Variants in ZNF804B observed in about 807,000 individuals in gnomAD.
ZNF804B encodes zinc finger 804B.
ZNF804B carries 80 observed loss-of-function variants against 101.4 expected under a neutral mutation model. The observed-to-expected ratio is 0.79, with a 90% CI of 0.66 to 0.95. ZNF804B has a LOEUF of 0.95. Among genes scored for constraint, ZNF804B ranks in the 40% least tolerant of loss-of-function variants. The pLI is 0.00. For synonymous variants in ZNF804B, 622 were observed against 558.8 expected (o/e 1.11, Z -1.59); for missense variants, 1,673 against 1,561.9 (o/e 1.07, Z -1.20).
intron 1 of ZNF804B, among the ~76,000 whole-genome samples, chr7:88,998,487 A>T (rs1164275956): frequency 6.6e-6 from 1 of 152,064 alleles, no homozygotes; most frequent in African/African-American, 2.4e-5. Flanking sequence ...TCCTTAAGTG[A>T]TGTTCAAGAA....
chr7:89,226,332 C>A (rs1789088345), intron 2 of ZNF804B, among the ~76,000 whole-genome samples: 1 of 151,866 alleles, frequency 6.6e-6, no homozygotes. Context: ...TAGAAAAATA[C>A]TAGAAACAAT....
chr7:88,861,799 TTAAC>T (rs2115857888), intron 1 of ZNF804B, among the ~76,000 whole-genome samples: 1 of 152,282 alleles, frequency 6.6e-6, no homozygotes, highest in East Asian at 1.9e-4. Flanking sequence ...AGCACATACT[TTAAC>T]TATTTTGGAG....
intron 2 of ZNF804B, 84 bp downstream of exon 2, chr7:89,218,379 C>A: frequency 6.9e-7 from 1 of 1,451,438 alleles, no homozygotes; most frequent in Admixed American, 2.0e-5. Context: ...TTATTTACTG[C>A]CATATAAGAC....
intron 1 of ZNF804B, among the ~76,000 whole-genome samples, chr7:88,799,678 A>G (rs994147123): frequency 6.6e-6 from 1 of 152,136 alleles, no homozygotes; most frequent in Non-Finnish European, 1.5e-5. Context: ...ATTAGGCACT[A>G]TAAGAAATGT....
intron 2 of ZNF804B, among the ~76,000 whole-genome samples, chr7:89,295,681 C>T (rs139527246): frequency 5.0e-4 from 76 of 152,060 alleles, no homozygotes; most frequent in Non-Finnish European, 8.7e-4. Flanking sequence ...AAATTTGAAT[C>T]GATCTCAAGG....
chr7:88,826,497 A>G (rs1791052508), intron 1 of ZNF804B, among the ~76,000 whole-genome samples: 1 of 152,174 alleles, frequency 6.6e-6, no homozygotes, highest in Admixed American at 6.6e-5. Flanking sequence ...GGCACAATCG[A>G]AAACCTAATG....
chr7:89,249,438 G>T (rs1789507002), intron 2 of ZNF804B, among the ~76,000 whole-genome samples: 1 of 152,130 alleles, frequency 6.6e-6, no homozygotes, highest in East Asian at 1.9e-4. Flanking sequence ...ACATACTCTT[G>T]AACCAAAGGG....
At chr7:88,926,828 T>G (rs770357230) in intron 1 of ZNF804B, among the ~76,000 whole-genome samples, 1 of 151,824 alleles carries the variant, frequency 6.6e-6, no homozygotes, top group Non-Finnish European at 1.5e-5. Context: ...TTACAGCCAA[T>G]GTAAGATAAC....
intron 1 of ZNF804B, among the ~76,000 whole-genome samples, chr7:89,074,390 T>C (rs1027532701): frequency 6.6e-6 from 1 of 152,162 alleles, no homozygotes; most frequent in African/African-American, 2.4e-5. Context: ...GGTGACTGAA[T>C]TAAGCGGCAG....
intron 2 of ZNF804B, among the ~76,000 whole-genome samples, chr7:89,286,209 C>T (rs1790193487): frequency 6.6e-6 from 1 of 152,006 alleles, no homozygotes; most frequent in Admixed American, 6.6e-5. Context: ...GACTTTAGGA[C>T]TTTATCATTA....
intron 1 of ZNF804B, among the ~76,000 whole-genome samples, chr7:88,864,173 C>A (rs1006450897): frequency 1.3e-4 from 20 of 152,220 alleles, no homozygotes; most frequent in African/African-American, 4.8e-4. Context: ...TGTTTTTATA[C>A]CTCTCACTTC....
At chr7:88,960,758 G>A (rs1437653399) in intron 1 of ZNF804B, among the ~76,000 whole-genome samples, 1 of 151,040 alleles carries the variant, frequency 6.6e-6, no homozygotes, top group Admixed American at 6.6e-5. Context: ...AATATGTTTT[G>A]TTGAAAAATT....
intron 1 of ZNF804B, among the ~76,000 whole-genome samples, chr7:89,176,591 C>CTTTCTTTT (rs780648541): frequency 7.0e-5 from 5 of 71,940 alleles, no homozygotes; most frequent in Non-Finnish European, 1.3e-4. Flanking sequence ...TTCTTTCTTT[C>CTTTCTTTT]TTTTTTTTTT....
intron 2 of ZNF804B, among the ~76,000 whole-genome samples, chr7:89,288,671 A>G (rs923629275): frequency 3.9e-5 from 6 of 152,224 alleles, no homozygotes; most frequent in Non-Finnish European, 7.4e-5. Context: ...TATTGTAAAA[A>G]TAATTACATT....
intron 1 of ZNF804B, among the ~76,000 whole-genome samples, chr7:89,019,698 G>A (rs1788632001): frequency 6.6e-6 from 1 of 151,894 alleles, no homozygotes; most frequent in African/African-American, 2.4e-5. Flanking sequence ...TCCTCTTACT[G>A]AATTGATCCC....
chr7:89,269,964 G>A (rs1789860582), intron 2 of ZNF804B, among the ~76,000 whole-genome samples: 2 of 152,046 alleles, frequency 1.3e-5, no homozygotes, highest in South Asian at 4.2e-4. Flanking sequence ...CTGGATATTA[G>A]CCCTTTGTCA....
chr7:89,210,596 A>G, intron 1 of ZNF804B, among the ~76,000 whole-genome samples: 1 of 152,128 alleles, frequency 6.6e-6, no homozygotes, highest in Non-Finnish European at 1.5e-5. Flanking sequence ...AACATGTGAC[A>G]TTTGGTTTTC....
At chr7:88,961,053 A>G (rs2116089503) in intron 1 of ZNF804B, among the ~76,000 whole-genome samples, 1 of 151,582 alleles carries the variant, frequency 6.6e-6, no homozygotes, top group South Asian at 2.1e-4. Context: ...TATTTTAGAC[A>G]TTAAAGAACT....
chr7:88,997,744 G>C (rs1788223254), intron 1 of ZNF804B, among the ~76,000 whole-genome samples: 1 of 152,042 alleles, frequency 6.6e-6, no homozygotes, highest in Non-Finnish European at 1.5e-5. Context: ...GGCTTATACA[G>C]CCATTTATTC....
Sources: gnomAD v4.1 joint callset for allele counts (sites outside exome capture counted in the v4.1 genomes callset) on GRCh38, gnomAD v4.1.1 for gene constraint, MANE v1.5 for transcripts, NCBI Gene and HGNC (gene_info 2026-07-23, HGNC 2026-07-21) for gene names.